Variants in CFAP206 observed in about 807,000 individuals in gnomAD.
CFAP206 encodes cilia and flagella associated protein 206.
In CFAP206, 53 loss-of-function variants were observed where a neutral mutation model predicts 65.4. That is an observed-to-expected ratio of 0.81 (90% confidence interval 0.65 to 1.02). CFAP206 has a LOEUF of 1.02. Among genes scored for constraint, CFAP206 ranks in the 50% least tolerant of loss-of-function variants. CFAP206 has a pLI of 0.00. For missense variants in CFAP206, 663 were observed against 753.2 expected, an observed-to-expected ratio of 0.88 and a Z score of 1.40; for synonymous variants, 250 against 254.4, an observed-to-expected ratio of 0.98 and a Z score of 0.17.
intron 11 of CFAP206, 135 bp from the exon 12 acceptor site, chr6:87,460,887 G>T: frequency 1.6e-6 from 1 of 607,424 alleles, no homozygotes. Context: ...TTTCTTTATT[G>T]GTATTTACAA....
chr6:87,426,484 A>C (rs950266992), intron 7 of CFAP206, 42 bp from the exon 8 acceptor site: 1 of 1,411,118 alleles, frequency 7.1e-7, no homozygotes, highest in African/African-American at 1.5e-5. Context: ...TTTTTATAGT[A>C]GAATTATAAA....
intron 1 of CFAP206, 82 bp from the exon 2 acceptor site, chr6:87,409,753 A>G (rs1767697805): frequency 7.0e-6 from 6 of 853,746 alleles, no homozygotes; most frequent in Non-Finnish European, 1.1e-5. Flanking sequence ...TTACAAATAC[A>G]ATATTGCAGA....
chr6:87,451,918 G>T (rs375684945), intron 11 of CFAP206, among the ~76,000 whole-genome samples: 1 of 151,810 alleles, frequency 6.6e-6, no homozygotes, highest in Non-Finnish European at 1.5e-5. Flanking sequence ...GGGAGGCCCG[G>T]TCCTGGCAGG....
chr6:87,414,454 T>C (rs1767790300), intron 4 of CFAP206, among the ~76,000 whole-genome samples: 3 of 152,158 alleles, frequency 2.0e-5, no homozygotes, highest in Admixed American at 6.5e-5. Flanking sequence ...TGTGCCACCA[T>C]GCCCAGCTAA....
intron 11 of CFAP206, among the ~76,000 whole-genome samples, chr6:87,453,639 T>A (rs1768583196): frequency 1.3e-5 from 2 of 152,134 alleles, no homozygotes; most frequent in Non-Finnish European, 2.9e-5. Flanking sequence ...CTTTGCTTGT[T>A]TTTGCAATCA....
At chr6:87,416,865 T>C (rs1767842350) in intron 6 of CFAP206, 38 bp downstream of exon 6, 5 of 1,549,186 alleles carry the variant, frequency 3.2e-6, no homozygotes, top group South Asian at 1.2e-5. Context: ...AGGTTATGTA[T>C]GTTTAAAATT....
chr6:87,417,284 C>T (rs542259340), intron 6 of CFAP206, among the ~76,000 whole-genome samples: 2 of 152,274 alleles, frequency 1.3e-5, no homozygotes, highest in East Asian at 3.9e-4. Flanking sequence ...ATACTTAATG[C>T]ATTCTTTATA....
chr6:87,415,941 G>A, intron 5 of CFAP206, 67 bp downstream of exon 5: 2 of 1,076,082 alleles, frequency 1.9e-6, no homozygotes, highest in Non-Finnish European at 2.5e-6. Flanking sequence ...TATAAAACAT[G>A]TTAAATTAGA....
chr6:87,411,909 A>G (rs1767741376), intron 3 of CFAP206, among the ~76,000 whole-genome samples: 1 of 152,264 alleles, frequency 6.6e-6, no homozygotes, highest in African/African-American at 2.4e-5. Context: ...AAGTAAAAAC[A>G]TAACAGATAT....
At position 87,428,638 on chromosome 6, in the gene CFAP206, G is replaced by T. The variant is rs370949345; in HGVS notation, c.973G>T (p.Ala325Ser). Residue 325 changes from alanine to serine, a missense_variant, in exon 9 of 13, where the codon GCA becomes TCA. Physicochemically the swap from Ala to Ser is moderately conservative, Grantham distance 99. Transcript: ENST00000369562. Reference sequence around the variant, plus strand: ...TTCTCTTCCTCAGCCTATCTTCATTGCACTTTCTACTCTGTGGACCAGCTT... The same window carrying T: ...TTCTCTTCCTCAGCCTATCTTCATTTCACTTTCTACTCTGTGGACCAGCTT... ...PTSQVFPIFI[A>S]LSTLWTSLQD... 1 of 1,613,720 alleles carries T rather than the reference G, an allele frequency of 6.2e-7. No homozygotes were observed. The highest frequency in any genetic ancestry group is 1.3e-5 in the African/African-American group (1 of 74,812).
intron 9 of CFAP206, among the ~76,000 whole-genome samples, 179 bp downstream of exon 9, chr6:87,429,003 G>A (rs2127951514): frequency 6.6e-6 from 1 of 152,318 alleles, no homozygotes; most frequent in African/African-American, 2.4e-5. Context: ...CACTTTGGGG[G>A]GCCGAGGCGG....
At chr6:87,433,217 T>C (rs538718583) in intron 10 of CFAP206, among the ~76,000 whole-genome samples, 3 of 152,342 alleles carry the variant, frequency 2.0e-5, no homozygotes, top group African/African-American at 7.2e-5. Flanking sequence ...CTTCTTCCTT[T>C]TACTATGTAT....
chr6:87,462,545 T>C (rs1442819032), intron 12 of CFAP206, among the ~76,000 whole-genome samples: 1 of 152,222 alleles, frequency 6.6e-6, no homozygotes, highest in Non-Finnish European at 1.5e-5. Context: ...TTGTAAGTGG[T>C]ACCTCCTTGT....
chr6:87,446,973 T>C (rs767094137), intron 11 of CFAP206, among the ~76,000 whole-genome samples: 12 of 152,104 alleles, frequency 7.9e-5, no homozygotes, highest in Non-Finnish European at 2.9e-5. Flanking sequence ...TGGAAGTTCA[T>C]ATCATGGTTT....
At chr6:87,418,451 A>G (rs1292499519) in intron 7 of CFAP206, 35 bp downstream of exon 7, 3 of 1,573,048 alleles carry the variant, frequency 1.9e-6, no homozygotes, top group Non-Finnish European at 2.6e-6. Context: ...CCTTTTCTAT[A>G]TAATGCAATC....
chr6:87,434,878 T>A lies in CFAP206; in HGVS notation c.1319T>A (p.Ile440Asn), dbSNP rs1339666973. 7.1e-7 allele frequency: 1 copy of A among 1,400,018 alleles called. No homozygotes were observed. The highest frequency in any genetic ancestry group is 9.8e-7 in the Non-Finnish European group (1 of 1,018,528). 86.7% of individuals were successfully genotyped at this position (1,400,018 alleles called of 1,614,324 possible). The change falls in exon 11 of 13, where the codon ATT becomes AAT. Residue 440 changes from isoleucine to asparagine, a missense_variant. Coordinates refer to ENST00000369562, the MANE Select transcript of CFAP206 (RefSeq NM_001031743.3). ...TTTTCAGGAAATCCAGCAATTGGAA[T>A]TTTAAAATATAAAGAAAAATATTAC... is the stretch of plus-strand genomic sequence containing the variant. ...LLLPGNPAIG[I>N]LKYKEKYYTF...
At position 87,435,152 on chromosome 6, in the gene CFAP206, G is replaced by A. The variant is rs1768235572; in HGVS notation, c.1494+99G>A. The A allele has an allele frequency of 9.5e-6, 8 of 842,374 alleles. No individual in the cohort carries two copies. In the South Asian group the frequency reaches 1.1e-4, roughly 12 times the overall value. 52.2% of individuals were successfully genotyped at this position (842,374 alleles called of 1,614,324 possible). On this transcript the variant is annotated intron_variant, in intron 11 of 12. Coordinates refer to ENST00000369562, the MANE Select transcript of CFAP206 (RefSeq NM_001031743.3). The stretch of plus-strand genomic sequence containing the variant: ...AGAATGCTTCCCAGGTCCACACAGA[G>A]AGAGTCAGATGAGGGTCTTTACAGG...
At chr6:87,416,500 G>A (rs1441125828) in intron 5 of CFAP206, among the ~76,000 whole-genome samples, 169 bp from the exon 6 acceptor site, 1 of 152,160 alleles carries the variant, frequency 6.6e-6, no homozygotes, top group Non-Finnish European at 1.5e-5. Flanking sequence ...ATCCAGCTTT[G>A]ATGCGTGATA....
intron 11 of CFAP206, among the ~76,000 whole-genome samples, chr6:87,447,102 A>G (rs894648942): frequency 2.6e-5 from 4 of 152,162 alleles, no homozygotes; most frequent in African/African-American, 7.2e-5. Flanking sequence ...GGGCTAAGAC[A>G]GTGGGGTTTT....
Sources: gnomAD v4.1 joint callset for allele counts (sites outside exome capture counted in the v4.1 genomes callset) on GRCh38, gnomAD v4.1.1 for gene constraint, MANE v1.5 for transcripts, NCBI Gene and HGNC (gene_info 2026-07-23, HGNC 2026-07-21) for gene names.